PCCB: variants seen among roughly 807,000 people sequenced by gnomAD.
PCCB encodes propionyl-CoA carboxylase beta chain, mitochondrial.
PCCB carries 43 observed loss-of-function variants against 60.7 expected under a neutral mutation model. The observed-to-expected ratio is 0.71, with a 90% CI of 0.55 to 0.91. PCCB has a LOEUF of 0.91. Ranked by LOEUF, PCCB falls within the 40% of genes least tolerant of loss-of-function variation. PCCB has a pLI of 0.00. For missense variants in PCCB, 766 were observed against 702.8 expected (o/e 1.09, Z -1.02); for synonymous variants, 276 against 255.9 (o/e 1.08, Z -0.75).
chr3:136,323,250 G>A (rs952602867), intron 10 of PCCB, among the ~76,000 whole-genome samples: 4 of 152,074 alleles, frequency 2.6e-5, no homozygotes, highest in Non-Finnish European at 4.4e-5. Context: ...ACATGTGGGT[G>A]TCCCACAGGT....
intron 5 of PCCB, among the ~76,000 whole-genome samples, chr3:136,265,295 C>T (rs1257064923): frequency 1.3e-5 from 2 of 152,208 alleles, no homozygotes; most frequent in African/African-American, 4.8e-5. Context: ...TAGAGTTGTA[C>T]AGCCATAATC....
At chr3:136,279,911 C>G (rs1304903560) in intron 5 of PCCB, among the ~76,000 whole-genome samples, 1 of 152,158 alleles carries the variant, frequency 6.6e-6, no homozygotes, top group African/African-American at 2.4e-5. Flanking sequence ...CGTGATCTGC[C>G]CGTCTCGGCC....
intron 7 of PCCB, 147 bp from the exon 8 acceptor site, chr3:136,297,805 T>A: frequency 1.2e-6 from 1 of 852,516 alleles, no homozygotes; most frequent in Non-Finnish European, 2.0e-6. Context: ...TTATGTGGCA[T>A]TACATCCTCA....
chr3:136,292,188 T>G (rs1275864547), intron 6 of PCCB, among the ~76,000 whole-genome samples: 1 of 152,214 alleles, frequency 6.6e-6, no homozygotes, highest in Non-Finnish European at 1.5e-5. Context: ...AGTATCAACT[T>G]TTAGCTTCTT....
chr3:136,322,872 A>G (rs1576356975), intron 10 of PCCB, among the ~76,000 whole-genome samples: 1 of 152,184 alleles, frequency 6.6e-6, no homozygotes, highest in African/African-American at 2.4e-5. Flanking sequence ...TGCCAGATAT[A>G]GAATTCTTGG....
chr3:136,268,089 T>TATATATATATAC (rs1942068459), intron 5 of PCCB, among the ~76,000 whole-genome samples: 1 of 13,936 alleles, frequency 7.2e-5, no homozygotes, highest in African/African-American at 1.8e-4. Flanking sequence ...TGTGTGTAGA[T>TATATATATATAC]ATATATATAT....
chr3:136,271,486 G>T (rs560264129), intron 5 of PCCB, among the ~76,000 whole-genome samples: 1 of 152,266 alleles, frequency 6.6e-6, no homozygotes, highest in South Asian at 2.1e-4. Context: ...TTACCTCCAT[G>T]AGCATGAGAT....
At chr3:136,261,090 G>T (rs529539351) in intron 4 of PCCB, among the ~76,000 whole-genome samples, 1 of 152,010 alleles carries the variant, frequency 6.6e-6, no homozygotes, top group African/African-American at 2.4e-5. Flanking sequence ...ATGGACTCCC[G>T]TTCACAGATC....
At chr3:136,326,956 T>G (rs779773776) in intron 11 of PCCB, 46 bp downstream of exon 11, 2 of 1,296,506 alleles carry the variant, frequency 1.5e-6, no homozygotes, top group South Asian at 2.4e-5. Context: ...CCTTTCCCAG[T>G]AAGGTGCCCA....
intron 10 of PCCB, among the ~76,000 whole-genome samples, chr3:136,320,662 T>G (rs989583276): frequency 6.6e-6 from 1 of 152,244 alleles, no homozygotes; most frequent in South Asian, 2.1e-4. Flanking sequence ...CTTTTAGTTG[T>G]GAATAATGCT....
chr3:136,294,466 C>T (rs1933844904), intron 7 of PCCB, among the ~76,000 whole-genome samples: 1 of 151,934 alleles, frequency 6.6e-6, no homozygotes. Context: ...CATGCACCAC[C>T]ACACCCAGCA....
chr3:136,329,778 C>T (rs1935472866), intron 14 of PCCB, 127 bp from the exon 15 acceptor site: 1 of 972,374 alleles, frequency 1.0e-6, no homozygotes. Context: ...GGCCTACCAT[C>T]TCTGTATCAG....
At chr3:136,256,259 G>A (rs1029286901) in intron 2 of PCCB, 2 of 563,990 alleles carry the variant, frequency 3.5e-6, no homozygotes, top group South Asian at 2.0e-5. Context: ...TTCTTTATAC[G>A]TCCTCCTTCA....
chr3:136,264,679 C>T (rs952719380), intron 5 of PCCB, among the ~76,000 whole-genome samples: 5 of 150,200 alleles, frequency 3.3e-5, no homozygotes, highest in Non-Finnish European at 5.9e-5. Flanking sequence ...CAAGACCGTC[C>T]TGGCTAACAC....
chr3:136,323,584 G>A (rs1408739482), intron 10 of PCCB, among the ~76,000 whole-genome samples: 1 of 152,102 alleles, frequency 6.6e-6, no homozygotes, highest in Non-Finnish European at 1.5e-5. Flanking sequence ...AAGAGTTCGA[G>A]ACCAACCTAG....
intron 7 of PCCB, among the ~76,000 whole-genome samples, chr3:136,296,964 G>T (rs762824934): frequency 2.0e-5 from 3 of 152,202 alleles, no homozygotes; most frequent in Non-Finnish European, 2.9e-5. Context: ...TAGTAGAGGA[G>T]ATAGACAATA....
rs773854246 is a variant in PCCB, at chr3:136,316,970, C to A, written c.996C>A (p.Ile332=). The A allele has an allele frequency of 6.2e-7, 1 of 1,614,040 alleles. No individual in the cohort carries two copies. Among genetic ancestry groups the A allele is most frequent in the East Asian group, 2.2e-5 (1 of 44,872 alleles). Reference sequence around the variant, plus strand: ...TTGATGAGCGTGAATTTTTTGAGATCATGCCCAATTATGCCAAGAACATCA... The same window carrying A: ...TTGATGAGCGTGAATTTTTTGAGATAATGCCCAATTATGCCAAGAACATCA... ...SVVDEREFFE[I]MPNYAKNIIV... is the part of the protein sequence containing the mutation. The change falls in exon 10 of 15, where the codon ATC becomes ATA. Residue 332 remains isoleucine (I), a synonymous_variant. Coordinates refer to ENST00000251654, the MANE Select transcript of PCCB (RefSeq NM_000532.5).
chr3:136,250,636 G>A, intron 1 of PCCB, 78 bp downstream of exon 1: 5 of 1,422,086 alleles, frequency 3.5e-6, no homozygotes, highest in Middle Eastern at 4.8e-4. Context: ...TGCGGCGTCC[G>A]AGGCCTCCCT....
intron 14 of PCCB, 76 bp downstream of exon 14, chr3:136,328,933 C>T: frequency 8.3e-7 from 1 of 1,204,392 alleles, no homozygotes; most frequent in South Asian, 1.2e-5. Context: ...GAAATTGTCA[C>T]ATAACTGCCT....
Sources: allele counts gnomAD v4.1 joint callset (sites outside exome capture counted in the v4.1 genomes callset), GRCh38; gene constraint gnomAD v4.1.1; transcripts MANE v1.5; gene names NCBI Gene and HGNC (gene_info 2026-07-23, HGNC 2026-07-21).